Variants in PBK observed in about 807,000 individuals in gnomAD.
PBK encodes PDZ binding kinase, also known as lymphokine-activated killer T-cell-originated protein kinase.
PBK carries 22 observed loss-of-function variants against 33.5 expected under a neutral mutation model. The ratio of observed to expected loss-of-function variants is 0.66; its 90% CI spans 0.47 to 0.94. The LOEUF (loss-of-function observed/expected upper bound fraction) is 0.94. PBK is among the 40% of genes least tolerant of loss of function. The pLI is 0.00. For missense variants in PBK, 376 were observed against 383.4 expected, an observed-to-expected ratio of 0.98 and a Z score of 0.16; for synonymous variants, 129 against 123.8, an observed-to-expected ratio of 1.04 and a Z score of -0.28.
At chr8:27,812,847 T>C (rs923437009) in intron 6 of PBK, among the ~76,000 whole-genome samples, 25 of 152,182 alleles carry the variant, frequency 1.6e-4, no homozygotes, top group Admixed American at 1.3e-4. Context: ...TGTGGAGAAA[T>C]AGGAATGCTT....
At chr8:27,833,637 C>A (rs946747081) in intron 1 of PBK, among the ~76,000 whole-genome samples, 1 of 151,840 alleles carries the variant, frequency 6.6e-6, no homozygotes, top group African/African-American at 2.4e-5. Flanking sequence ...CCAAAAAGTA[C>A]AATTACTTAC....
Position 27,810,367 on chromosome 8 carries a change from C to G in PBK, c.907G>C (p.Glu303Gln), listed in dbSNP as rs1488321822. ...GCAGAAGGACGATCTTTAGGGTCTT[C>G]ATTAGTGCATACAGAGAAGAGTTCA... Reference protein sequence around the residue: ...VIELFSVCTNEDPKDRPSAAH... With the variant: ...VIELFSVCTNQDPKDRPSAAH... The change falls in exon 8 of 8, where the codon GAA becomes CAA. Residue 303 changes from glutamate to glutamine, a missense_variant. Glu to Gln is a conservative substitution (Grantham distance 29, BLOSUM62 2). Coordinates refer to ENST00000301905, the MANE Select transcript of PBK (RefSeq NM_018492.4). 2.0e-5 allele frequency: 32 copies of G among 1,612,208 alleles called. No individual in the cohort carries two copies. In the Admixed American group the frequency reaches 5.0e-4, roughly 25 times the overall value.
chr8:27,828,231 TA>T (rs1806064540), intron 2 of PBK, 33 bp from the exon 3 acceptor site: 2 of 969,614 alleles, frequency 2.1e-6, no homozygotes, highest in Non-Finnish European at 3.2e-6. Context: ...ATAAAATTAA[TA>T]AAAAATAAAA....
intron 4 of PBK, 114 bp downstream of exon 4, chr8:27,822,949 A>C: frequency 1.5e-6 from 1 of 668,786 alleles, no homozygotes; most frequent in East Asian, 2.9e-5. Context: ...TACCCATTAA[A>C]TATCCAGCCC....
At position 27,820,549 on chromosome 8, in the gene PBK, T is replaced by TA. The variant is rs754889752; in HGVS notation, c.595+15dup. 1 of 1,488,916 alleles carries TA rather than the reference T, an allele frequency of 6.7e-7. No individual in the cohort carries two copies. The allele number at this position is 1,488,916 out of a possible 1,614,324, so 92.2% of individuals were successfully genotyped here. A position where few individuals can be genotyped will look rare whatever the true frequency, so the allele number is the denominator to read the frequency against. On this transcript the variant is annotated intron_variant, in intron 6 of 7. Transcript: ENST00000301905. ...GTATTAAAAACAAAATTTTAAAACT[T>TA]AAGAGTACAACTTACCAGTCATATT... is the stretch of plus-strand genomic sequence containing the variant.
chr8:27,824,452 CAA>C (rs1330716266), intron 3 of PBK, among the ~76,000 whole-genome samples: 5 of 151,538 alleles, frequency 3.3e-5, no homozygotes, highest in Non-Finnish European at 7.4e-5. Flanking sequence ...AAAATAAAGA[CAA>C]TATCACAAAT....
At chr8:27,819,847 A>G (rs537320184) in intron 6 of PBK, among the ~76,000 whole-genome samples, 23 of 152,108 alleles carry the variant, frequency 1.5e-4, no homozygotes, top group Admixed American at 1.3e-3. Context: ...ATTTTTATTA[A>G]TGATTACAGA....
In PBK at chr8:27,811,460, A is replaced by G. The variant is rs1355723968; in HGVS notation, c.596-326T>C. 1.3e-5 allele frequency: 6 copies of G among 449,324 alleles called. No individual in the cohort carries two copies. In the Admixed American group the frequency reaches 2.2e-4, roughly 16 times the overall value. The allele number at this position is 449,324 out of a possible 1,614,324, so 27.8% of individuals were successfully genotyped here. The stretch of plus-strand genomic sequence containing the variant: ...GTTGGTTCAAAGACATGTGTGTGCA[A>G]GCTGCGTGACCTTGAGCAGATCACT... On this transcript the variant is annotated intron_variant, in intron 6 of 7. Transcript: ENST00000301905.
In PBK at chr8:27,824,137, G is replaced by T. The variant is rs191291957; in HGVS notation, c.153-932C>A. On this transcript the variant is annotated intron_variant, in intron 3 of 7. Transcript: ENST00000301905. ...CTTAATTCATGTACATCTATCATCC[G>T]TAAGTTGATCTAAACTATTCTTAAA... Among the ~76,000 whole-genome samples, 545 of 152,186 alleles carry T rather than the reference G, an allele frequency of 3.6e-3. 13 individuals carry two copies. The highest frequency in any genetic ancestry group is 2.7e-3 in the South Asian group (13 of 4,826).
chr8:27,834,502 T>C (rs1806191423), intron 1 of PBK, among the ~76,000 whole-genome samples: 1 of 152,240 alleles, frequency 6.6e-6, no homozygotes, highest in Non-Finnish European at 1.5e-5. Context: ...TATATTCATC[T>C]CTGAGTATAC....
intron 3 of PBK, among the ~76,000 whole-genome samples, chr8:27,824,301 A>ATCT (rs1254221225): frequency 6.6e-6 from 1 of 152,168 alleles, no homozygotes; most frequent in Non-Finnish European, 1.5e-5. Context: ...AAACAAGTCA[A>ATCT]TCTTCACCTT....
At chr8:27,811,179 G>A (rs376490786) in intron 6 of PBK, 45 bp from the exon 7 acceptor site, 44 of 1,582,022 alleles carry the variant, frequency 2.8e-5, no homozygotes, top group Non-Finnish European at 3.5e-5. Flanking sequence ...TACAAATCAC[G>A]AAAAGGCAAG....
At chr8:27,815,891 TGAC>T (rs1176748369) in intron 6 of PBK, among the ~76,000 whole-genome samples, 1 of 152,240 alleles carries the variant, frequency 6.6e-6, no homozygotes, top group African/African-American at 2.4e-5. Context: ...TGGATTGTTC[TGAC>T]AACAAAAGTT....
At chr8:27,824,262 G>A (rs967071783) in intron 3 of PBK, among the ~76,000 whole-genome samples, 1 of 152,074 alleles carries the variant, frequency 6.6e-6, no homozygotes, top group African/African-American at 2.4e-5. Flanking sequence ...AGGGTTGAAA[G>A]TTTAGCTCTT....
intron 2 of PBK, among the ~76,000 whole-genome samples, chr8:27,831,807 C>G (rs1806136011): frequency 6.6e-6 from 1 of 151,954 alleles, no homozygotes; most frequent in African/African-American, 2.4e-5. Context: ...TAACAAAATT[C>G]ACAAAGAAAA....
chr8:27,826,940 A>G, intron 3 of PBK, among the ~76,000 whole-genome samples: 1 of 152,160 alleles, frequency 6.6e-6, no homozygotes, highest in Non-Finnish European at 1.5e-5. Context: ...ACCTGTGAGA[A>G]TTTTTTTCTT....
rs752572454 is a variant in PBK at position 27,823,164 on chromosome 8, T to C, written c.194A>G (p.Lys65Arg). 7.1e-6 allele frequency: 11 copies of C among 1,556,256 alleles called. No individual in the cohort carries two copies. Among genetic ancestry groups the C allele is most frequent in the Non-Finnish European group, 9.7e-6 (11 of 1,131,000 alleles). Residue 65 changes from lysine to arginine, a missense_variant, in exon 4 of 8, where the codon AAG (lysine) becomes AGG (arginine). Physicochemically the swap from Lys to Arg is conservative, Grantham distance 26 (BLOSUM62 2). Transcript: ENST00000301905. Reference sequence around the variant, plus strand: ...ATGATCATTACATATAGGATTAATCTTTTTTACAGCCCAAGGAGAATGAGA... The same window carrying C: ...ATGATCATTACATATAGGATTAATCCTTTTTACAGCCCAAGGAGAATGAGA... ...GLSHSPWAVK[K>R]INPICNDHYR...
At chr8:27,821,716 T>C (rs1240016112) in intron 5 of PBK, among the ~76,000 whole-genome samples, 1 of 152,196 alleles carries the variant, frequency 6.6e-6, no homozygotes, top group Non-Finnish European at 1.5e-5. Context: ...ATTTTGAGGC[T>C]AGTCTAGTAA....
intron 5 of PBK, among the ~76,000 whole-genome samples, chr8:27,821,064 G>A (rs896546057): frequency 2.6e-5 from 4 of 152,092 alleles, no homozygotes; most frequent in Admixed American, 1.3e-4. Flanking sequence ...CTGGCTTCAA[G>A]TGATCCGCCT....
Sources: gnomAD v4.1 joint callset for allele counts (sites outside exome capture counted in the v4.1 genomes callset) on GRCh38, gnomAD v4.1.1 for gene constraint, MANE v1.5 for transcripts, NCBI Gene and HGNC (gene_info 2026-07-23, HGNC 2026-07-21) for gene names.